Variants in RAB3GAP2 observed in about 807,000 individuals in gnomAD.
RAB3GAP2 encodes RAB3 GTPase activating non-catalytic protein subunit 2.
Under a neutral mutation model 185.3 loss-of-function variants are expected in RAB3GAP2, and 87 were observed. The ratio of observed to expected loss-of-function variants is 0.47; its 90% CI spans 0.39 to 0.56. RAB3GAP2 has a LOEUF of 0.56. Ranked by LOEUF, RAB3GAP2 falls within the 20% of genes least tolerant of loss-of-function variation. The probability of loss-of-function intolerance (pLI) is 0.00; values close to 1 mark genes in which losing one functional copy is unlikely to be tolerated. For missense variants in RAB3GAP2, 1,492 were observed against 1,638.2 expected (o/e 0.91, Z 1.54); for synonymous variants, 554 against 576.1 (o/e 0.96, Z 0.55).
chr1:220,244,519 T>C (rs907357609), intron 1 of RAB3GAP2, among the ~76,000 whole-genome samples: 1 of 151,976 alleles, frequency 6.6e-6, no homozygotes, highest in African/African-American at 2.4e-5. Context: ...TCCATCAAAA[T>C]ACCATCATCA....
At chr1:220,216,359 A>T (rs1008814029) in intron 2 of RAB3GAP2, among the ~76,000 whole-genome samples, 1 of 152,224 alleles carries the variant, frequency 6.6e-6, no homozygotes, top group African/African-American at 2.4e-5. Flanking sequence ...TATCCCCCAA[A>T]GATAAAAGTT....
At chr1:220,177,046 C>T (rs1050196474) in intron 21 of RAB3GAP2, among the ~76,000 whole-genome samples, 4 of 152,226 alleles carry the variant, frequency 2.6e-5, no homozygotes, top group African/African-American at 9.6e-5. Context: ...CCCCCTCTAA[C>T]TGCAGCTGGG....
At chr1:220,188,855 A>T (rs1327334021) in intron 17 of RAB3GAP2, among the ~76,000 whole-genome samples, 3 of 152,212 alleles carry the variant, frequency 2.0e-5, no homozygotes, top group Non-Finnish European at 4.4e-5. Flanking sequence ...TAGTAAATGA[A>T]TCAATTATAA....
At chr1:220,204,587 G>A (rs1180715809) in intron 8 of RAB3GAP2, among the ~76,000 whole-genome samples, 1 of 150,330 alleles carries the variant, frequency 6.7e-6, no homozygotes, top group Non-Finnish European at 1.5e-5. Context: ...TATTTTCACT[G>A]ATTTTTTTTT....
chr1:220,190,052 G>A lies in RAB3GAP2; in HGVS notation c.1714+12C>T, dbSNP rs766539722. The A allele has an allele frequency of 5.1e-6, 8 of 1,575,910 alleles. No homozygotes were observed. In the East Asian group the frequency reaches 6.7e-5, roughly 13 times the overall value. On this transcript the variant is annotated intron_variant, in intron 16 of 34. Transcript: ENST00000358951. ...ACAATATGCTTTATTATTTGTATGA[G>A]AGAATACCTACCAAGATTGGGAGAT...
chr1:220,182,955 A>T, intron 19 of RAB3GAP2, 24 bp from the exon 20 acceptor site: 1 of 1,567,518 alleles, frequency 6.4e-7, no homozygotes, highest in Non-Finnish European at 8.8e-7. Context: ...AACAAAACAA[A>T]ACAACATTCC....
At chr1:220,179,629 A>C (rs1203055202) in intron 21 of RAB3GAP2, among the ~76,000 whole-genome samples, 2 of 152,192 alleles carry the variant, frequency 1.3e-5, no homozygotes, top group Non-Finnish European at 2.9e-5. Context: ...GCCACAAAAC[A>C]ATTCTCAACA....
rs1366767590 is a variant in RAB3GAP2 at position 220,150,932 on chromosome 1, T to C, written c.*319A>G. On this transcript the variant is annotated 3_prime_UTR_variant, in exon 35 of 35. Coordinates refer to ENST00000358951, the MANE Select transcript of RAB3GAP2 (RefSeq NM_012414.4). ...AATATAGAATCTTATAAGAACATAATCTAAATTATAACCAATTTTAAATAG... is the reference window on the plus strand; with the variant it reads ...AATATAGAATCTTATAAGAACATAACCTAAATTATAACCAATTTTAAATAG... 2 of 311,732 alleles carry C rather than the reference T, an allele frequency of 6.4e-6. No individual in the cohort carries two copies. The highest frequency in any genetic ancestry group is 1.2e-5 in the Non-Finnish European group (2 of 168,216). 19.3% of individuals were successfully genotyped at this position (311,732 alleles called of 1,614,324 possible).
chr1:220,187,469 G>A (rs1394840081), intron 17 of RAB3GAP2, among the ~76,000 whole-genome samples: 3 of 152,122 alleles, frequency 2.0e-5, no homozygotes, highest in Non-Finnish European at 4.4e-5. Context: ...CAGAATAAGG[G>A]GGTGGTTACC....
At chr1:220,203,460 T>C (rs1387948787) in intron 8 of RAB3GAP2, among the ~76,000 whole-genome samples, 2 of 152,180 alleles carry the variant, frequency 1.3e-5, no homozygotes, top group East Asian at 1.9e-4. Context: ...ACATCACAAT[T>C]TATGGCTAAG....
intron 1 of RAB3GAP2, among the ~76,000 whole-genome samples, chr1:220,235,643 A>T (rs1019756414): frequency 6.6e-6 from 1 of 152,228 alleles, no homozygotes; most frequent in African/African-American, 2.4e-5. Context: ...TAGTTTGTGT[A>T]CATAACCTCT....
chr1:220,183,433 TG>T (rs1199648179), intron 19 of RAB3GAP2, among the ~76,000 whole-genome samples: 1 of 151,936 alleles, frequency 6.6e-6, no homozygotes, highest in African/African-American at 2.4e-5. Flanking sequence ...TTTTTTTTTT[TG>T]TAGAGGCAGG....
intron 2 of RAB3GAP2, among the ~76,000 whole-genome samples, chr1:220,215,452 T>C (rs868794011): frequency 6.6e-6 from 1 of 152,164 alleles, no homozygotes; most frequent in African/African-American, 2.4e-5. Flanking sequence ...ATTTTTCTTA[T>C]TAATGAGAAT....
chr1:220,209,332 G>C (rs540288403), intron 7 of RAB3GAP2, among the ~76,000 whole-genome samples: 1 of 151,862 alleles, frequency 6.6e-6, no homozygotes, highest in African/African-American at 2.4e-5. Context: ...TTTCTTTGTT[G>C]TTGCATATAT....
At chr1:220,174,279 C>T (rs1428318997) in intron 21 of RAB3GAP2, among the ~76,000 whole-genome samples, 1 of 152,098 alleles carries the variant, frequency 6.6e-6, no homozygotes, top group Non-Finnish European at 1.5e-5. Flanking sequence ...CACATACACG[C>T]ACACTCTTTA....
chr1:220,158,444 C>CT lies in RAB3GAP2; in HGVS notation c.3262-569dup, dbSNP rs869239032. Among the ~76,000 whole-genome samples the CT allele has an allele frequency of 8.8e-4, 128 of 145,040 alleles. No homozygotes were observed. The highest frequency in any genetic ancestry group is 3.6e-3 in the Middle Eastern group (1 of 278). On this transcript the variant is annotated intron_variant, in intron 29 of 34. Coordinates refer to ENST00000358951, the MANE Select transcript of RAB3GAP2 (RefSeq NM_012414.4). The surrounding 1 kb of genome is among the most constrained non-coding windows in gnomAD (Gnocchi z 4.3). ...AGGGACCACTGCATTTGTGTATAAT[C>CT]TTTTTTTTTTTTTGAGACAGAGTTT...
chr1:220,153,749 C>T (rs1418894123), intron 32 of RAB3GAP2: 16 of 524,300 alleles, frequency 3.1e-5, no homozygotes, highest in Non-Finnish European at 4.9e-5. Context: ...TATCCCTCCC[C>T]CTTCCCCCCA....
chr1:220,192,846 G>T (rs1226673881), intron 13 of RAB3GAP2, among the ~76,000 whole-genome samples: 1 of 152,188 alleles, frequency 6.6e-6, no homozygotes, highest in East Asian at 1.9e-4. Context: ...GGATATAAAA[G>T]TCAAGTCAGT....
intron 27 of RAB3GAP2, among the ~76,000 whole-genome samples, chr1:220,162,704 T>C (rs906098977): frequency 1.3e-5 from 2 of 152,168 alleles, no homozygotes; most frequent in African/African-American, 4.8e-5. Context: ...TGGTAGCTAC[T>C]GAAGCTAAAC....
Sources: gnomAD v4.1 joint callset for allele counts (sites outside exome capture counted in the v4.1 genomes callset) on GRCh38, gnomAD v4.1.1 for gene constraint, Gnocchi (gnomAD v3.1) non-coding constraint, MANE v1.5 for transcripts, NCBI Gene and HGNC (gene_info 2026-07-23, HGNC 2026-07-21) for gene names.